FBXO34: variants seen among roughly 807,000 people sequenced by gnomAD.
The protein encoded by FBXO34 is F-box only protein 34.
A neutral mutation model predicts 24.5 loss-of-function variants in FBXO34; 12 were observed. The ratio of observed to expected loss-of-function variants is 0.49; its 90% CI spans 0.31 to 0.79. FBXO34 has a LOEUF of 0.79. Among genes scored for constraint, FBXO34 ranks in the 30% least tolerant of loss-of-function variants. FBXO34 has a pLI of 0.04. For synonymous variants in FBXO34, 320 were observed against 311.9 expected (o/e 1.03, Z -0.27); for missense variants, 823 against 857.7 (o/e 0.96, Z 0.51).
the FBXO34 span, among the ~76,000 whole-genome samples, chr14:55,430,075 C>A: frequency 6.6e-6 from 1 of 152,144 alleles, no homozygotes; most frequent in Non-Finnish European, 1.5e-5. Context: ...CCCCTAAATT[C>A]ATAGCAGAGC....
chr14:55,381,121 C>G, the FBXO34 span, among the ~76,000 whole-genome samples: 2 of 152,006 alleles, frequency 1.3e-5, no homozygotes, highest in African/African-American at 4.8e-5. Flanking sequence ...GGCACCCACT[C>G]AATGTACAGC....
chr14:55,378,991 C>T, the FBXO34 span, among the ~76,000 whole-genome samples: 2 of 152,030 alleles, frequency 1.3e-5, no homozygotes, highest in East Asian at 3.9e-4. Context: ...TACAGGCAGG[C>T]ATGAGCCACC....
At chr14:55,373,563 G>C (rs1040359479), downstream of FBXO34, among the ~76,000 whole-genome samples, 4 of 152,022 alleles carry the variant, frequency 2.6e-5, no homozygotes, top group African/African-American at 4.8e-5. Context: ...GGGTTCAAGC[G>C]ATTCTCCTGC....
chr14:55,384,085 T>C, the FBXO34 span, among the ~76,000 whole-genome samples: 4 of 152,154 alleles, frequency 2.6e-5, no homozygotes, highest in East Asian at 7.7e-4. Flanking sequence ...TACTGCTGCG[T>C]CTCCCTTCTC....
chr14:55,411,850 T>TG, the FBXO34 span: 3 of 1,552,438 alleles, frequency 1.9e-6, no homozygotes, highest in Non-Finnish European at 2.6e-6. Flanking sequence ...GCCAGTCACG[T>TG]GGGATTTTGT....
At chr14:55,399,282 T>C in the FBXO34 span, among the ~76,000 whole-genome samples, 453 of 152,352 alleles carry the variant, frequency 3.0e-3, no homozygotes, top group Non-Finnish European at 5.1e-3. Context: ...TAATTAAAAT[T>C]ATATTAAAAG....
the FBXO34 span, among the ~76,000 whole-genome samples, chr14:55,377,067 C>G: frequency 6.6e-6 from 1 of 152,158 alleles, no homozygotes; most frequent in Admixed American, 6.5e-5. Flanking sequence ...AATTGTGTGG[C>G]CAGGCACGGT....
chr14:55,340,511 T>TG (rs1327250823), intron 1 of FBXO34, among the ~76,000 whole-genome samples: 2 of 151,970 alleles, frequency 1.3e-5, no homozygotes, highest in Non-Finnish European at 2.9e-5. Context: ...TATCCCAAAG[T>TG]GCTGGGATTA....
At chr14:55,385,449 C>T in the FBXO34 span, among the ~76,000 whole-genome samples, 3 of 152,200 alleles carry the variant, frequency 2.0e-5, no homozygotes, top group Non-Finnish European at 2.9e-5. Context: ...CGCGCCACCA[C>T]GCCTGGCTAA....
At chr14:55,317,608 AGT>A (rs993690873) in intron 1 of FBXO34, among the ~76,000 whole-genome samples, 1 of 152,268 alleles carries the variant, frequency 6.6e-6, no homozygotes, top group African/African-American at 2.4e-5. Flanking sequence ...AATACTGTAT[AGT>A]AATATATACT....
chr14:55,410,773 T>A, the FBXO34 span, among the ~76,000 whole-genome samples: 1 of 152,196 alleles, frequency 6.6e-6, no homozygotes, highest in Non-Finnish European at 1.5e-5. Context: ...GCGAATGAAT[T>A]AATACCTGAA....
intron 1 of FBXO34, among the ~76,000 whole-genome samples, chr14:55,292,973 C>T (rs1309585356): frequency 1.3e-5 from 2 of 152,172 alleles, no homozygotes; most frequent in Non-Finnish European, 2.9e-5. Flanking sequence ...GCCTCCATCT[C>T]CCAGGTTCAA....
intron 1 of FBXO34, among the ~76,000 whole-genome samples, chr14:55,277,051 C>G (rs954754068): frequency 1.3e-5 from 2 of 152,206 alleles, no homozygotes; most frequent in African/African-American, 4.8e-5. Flanking sequence ...GTATACCATT[C>G]CCTTAGTTTG....
chr14:55,380,478 A>G, the FBXO34 span: 2 of 800,518 alleles, frequency 2.5e-6, no homozygotes, highest in African/African-American at 1.7e-5. Context: ...GGTAATACTT[A>G]CATTCTTATT....
the FBXO34 span, among the ~76,000 whole-genome samples, chr14:55,413,335 G>C: frequency 6.6e-6 from 1 of 152,166 alleles, no homozygotes; most frequent in South Asian, 2.1e-4. Context: ...TATCGTGCTA[G>C]ATGATATCAC....
rs190002845 is a variant in FBXO34, at chr14:55,339,055, G to A, written c.-10-11326G>A. Among the ~76,000 whole-genome samples, 38 of 152,266 alleles carry A rather than the reference G, an allele frequency of 2.5e-4. No homozygotes were observed. The East Asian group carries it at 6.4e-3, about 25-fold the overall frequency. On this transcript the variant is annotated intron_variant, in intron 1 of 1. Transcript: ENST00000313833. ...CATTATCCCTTTGGAGAGTGGTTGG[G>A]CAAGATATATCCAGTTGTGAAAATA... is the stretch of plus-strand genomic sequence containing the variant.
chr14:55,397,517 A>T, the FBXO34 span: 1 of 1,077,080 alleles, frequency 9.3e-7, no homozygotes, highest in Non-Finnish European at 1.4e-6. Context: ...AGAACCAATC[A>T]TTCTGCAGAG....
chr14:55,365,767 T>G (rs1303900568), downstream of FBXO34, among the ~76,000 whole-genome samples: 1 of 152,174 alleles, frequency 6.6e-6, no homozygotes, highest in Non-Finnish European at 1.5e-5. Flanking sequence ...CCTGCCAGCC[T>G]TCTGCTCCAG....
chr14:55,373,950 G>A (rs1884871009), downstream of FBXO34, among the ~76,000 whole-genome samples: 1 of 152,178 alleles, frequency 6.6e-6, no homozygotes, highest in Admixed American at 6.5e-5. Flanking sequence ...GGGGACTCCT[G>A]AAGTTCTACT....
Sources: gnomAD v4.1 joint callset for allele counts (sites outside exome capture counted in the v4.1 genomes callset) on GRCh38, gnomAD v4.1.1 for gene constraint, MANE v1.5 for transcripts, NCBI Gene and HGNC (gene_info 2026-07-23, HGNC 2026-07-21) for gene names.